TFEB: variants seen among roughly 807,000 people sequenced by gnomAD.
TFEB encodes T-cell transcription factor EB.
TFEB carries 12 observed loss-of-function variants against 48.0 expected under a neutral mutation model. The observed-to-expected ratio is 0.25, with a 90% CI of 0.16 to 0.40. TFEB has a LOEUF of 0.40. Ranked by LOEUF, TFEB falls within the 10% of genes least tolerant of loss-of-function variation. The pLI, the probability that TFEB is intolerant of heterozygous loss-of-function variation, is 1.00. For missense variants in TFEB, 509 were observed against 640.3 expected, an observed-to-expected ratio of 0.79 and a Z score of 2.21; for synonymous variants, 244 against 261.4, an observed-to-expected ratio of 0.93 and a Z score of 0.64.
chr6:41,709,840 G>A (rs749387034), intron 1 of TFEB, among the ~76,000 whole-genome samples: 5 of 152,104 alleles, frequency 3.3e-5, no homozygotes, highest in Non-Finnish European at 7.4e-5. Flanking sequence ...AGGCTGGAGT[G>A]CAGTGGCGCA....
chr6:41,714,141 G>A (rs965904068), intron 1 of TFEB, among the ~76,000 whole-genome samples: 6 of 53,076 alleles, frequency 1.1e-4, no homozygotes, highest in East Asian at 1.6e-3. Context: ...GCATGTGTGC[G>A]TGTGTGTGCA....
intron 1 of TFEB, among the ~76,000 whole-genome samples, chr6:41,695,848 G>T (rs1050018073): frequency 1.3e-5 from 2 of 152,206 alleles, no homozygotes; most frequent in African/African-American, 2.4e-5. Flanking sequence ...GGGGGTTTAT[G>T]GGGGGGCCCA....
At chr6:41,699,988 C>T (rs1769808825) in intron 1 of TFEB, among the ~76,000 whole-genome samples, 1 of 152,146 alleles carries the variant, frequency 6.6e-6, no homozygotes, top group South Asian at 2.1e-4. Flanking sequence ...TCACCATCAC[C>T]CTGGCAGGTT....
intron 4 of TFEB, among the ~76,000 whole-genome samples, chr6:41,689,288 G>T (rs1432713210): frequency 6.6e-6 from 1 of 152,178 alleles, no homozygotes; most frequent in East Asian, 1.9e-4. Flanking sequence ...CTTGCCCCAT[G>T]GAGTAAGAGA....
rs1483765449 is a variant in TFEB, at chr6:41,685,046, G to C, written c.984C>G (p.Leu328=). The part of the protein sequence containing the change: ...ELEMQARVHG[L]PTTSPSGMNM... ...TCATGCCGGACGGGGAGGTGGTAGGGAGGCCGTGCACTCGAGCCTGCATCT... is the reference window on the plus strand; with the variant it reads ...TCATGCCGGACGGGGAGGTGGTAGGCAGGCCGTGCACTCGAGCCTGCATCT... Residue 328 remains leucine (L), a synonymous_variant, in exon 9 of 9, where the codon CTC becomes CTG. Transcript: ENST00000373033. 1 of 1,478,426 alleles carries C rather than the reference G, an allele frequency of 6.8e-7. No homozygotes were observed. The highest frequency in any genetic ancestry group is 1.4e-5 in the African/African-American group (1 of 70,610). 91.6% of individuals were successfully genotyped at this position (1,478,426 alleles called of 1,614,324 possible).
At chr6:41,713,913 G>C (rs1160330411) in intron 1 of TFEB, among the ~76,000 whole-genome samples, 2 of 152,182 alleles carry the variant, frequency 1.3e-5, no homozygotes, top group African/African-American at 2.4e-5. Context: ...GGACACAGTT[G>C]GATGGCCACC....
In TFEB at chr6:41,697,408, C is replaced by CA. The variant is rs56059829; in HGVS notation, c.-22-6174dup. Among the ~76,000 whole-genome samples the CA allele has an allele frequency of 3.0e-3, 193 of 63,478 alleles. 8 individuals are homozygous for CA. The highest frequency in any genetic ancestry group is 0.019 in the South Asian group (29 of 1,524). 41.6% of individuals were successfully genotyped at this position (63,478 alleles called of 152,430 possible). A position where few individuals can be genotyped will look rare whatever the true frequency, so the allele number is the denominator to read the frequency against. On this transcript the variant is annotated intron_variant, in intron 1 of 8. Coordinates refer to ENST00000373033, the MANE Select transcript of TFEB (RefSeq NM_001271944.2). ...GGGCAACAAGAGTGAAACTCCATCT[C>CA]AAAAAAAAAAAAAAAAAAAGAATGA...
At chr6:41,695,132 G>T (rs962243248) in intron 1 of TFEB, among the ~76,000 whole-genome samples, 5 of 152,220 alleles carry the variant, frequency 3.3e-5, no homozygotes, top group Admixed American at 2.6e-4. Context: ...TCACCTCTCT[G>T]TGCTAGGCTG....
intron 1 of TFEB, among the ~76,000 whole-genome samples, chr6:41,704,303 C>G (rs34357137): frequency 0.22 from 34,237 of 152,192 alleles, 4,197 homozygotes; most frequent in Non-Finnish European, 0.27. Context: ...GAATTCAAAT[C>G]TGGCTTTGCC....
Position 41,684,578 on chromosome 6 carries a change from C to G in TFEB, c.*21G>C, listed in dbSNP as rs1489159234. On this transcript the variant is annotated 3_prime_UTR_variant, in exon 9 of 9. Transcript: ENST00000373033. ...CAGCCCCCAGGCCGGCCCCTGTTCC[C>G]TGGCACAGGGGCAGCCAGGGTCACA... 1 of 1,529,138 alleles carries G rather than the reference C, an allele frequency of 6.5e-7. No individual in the cohort carries two copies. The highest frequency in any genetic ancestry group is 1.4e-5 in the African/African-American group (1 of 72,172). 94.7% of individuals were successfully genotyped at this position (1,529,138 alleles called of 1,614,324 possible).
chr6:41,721,372 T>TACACAC (rs58269771), intron 1 of TFEB, among the ~76,000 whole-genome samples: 2,180 of 144,772 alleles, frequency 0.015, 37 homozygotes, highest in African/African-American at 0.044. Flanking sequence ...TAGGCACACA[T>TACACAC]ACACACACAC....
intron 8 of TFEB, 127 bp downstream of exon 8, chr6:41,685,963 T>TA (rs1431409161): frequency 2.4e-6 from 3 of 1,243,822 alleles, no homozygotes; most frequent in African/African-American, 3.0e-5. Flanking sequence ...TCCTAACTGA[T>TA]ACATCCTCCT....
At chr6:41,687,291 C>T (rs1414686188) in intron 6 of TFEB, 122 bp from the exon 7 acceptor site, 1 of 862,052 alleles carries the variant, frequency 1.2e-6, no homozygotes, top group African/African-American at 1.7e-5. Context: ...TTTAGTTCTT[C>T]CAGGAAGTAA....
At chr6:41,700,665 G>T (rs949670652) in intron 1 of TFEB, among the ~76,000 whole-genome samples, 3 of 152,140 alleles carry the variant, frequency 2.0e-5, no homozygotes, top group Non-Finnish European at 4.4e-5. Context: ...GCAGTCAGGG[G>T]CTTGTTTTTA....
At chr6:41,726,311 TA>T (rs1771205530) in intron 1 of TFEB, among the ~76,000 whole-genome samples, 1 of 152,116 alleles carries the variant, frequency 6.6e-6, no homozygotes, top group Non-Finnish European at 1.5e-5. Flanking sequence ...GGTTACATAA[TA>T]AAAGAGGCAA....
chr6:41,686,137 A>T lies in TFEB; in HGVS notation c.904T>A (p.Ser302Thr). 1 of 1,614,232 alleles carries T rather than the reference A, an allele frequency of 6.2e-7. No individual in the cohort carries two copies. The highest frequency in any genetic ancestry group is 8.5e-7 in the Non-Finnish European group (1 of 1,180,046). ...LQKSRELENH[S>T]RRLEMTNKQL... The stretch of plus-strand genomic sequence containing the variant: ...TTGTTGGTCATCTCCAGGCGGCGAG[A>T]GTGGTTCTCCAGCTCCCTGGACTTT... The change falls in exon 8 of 9, where the codon TCT (serine) becomes ACT (threonine). Residue 302 changes from serine to threonine, a missense_variant. By Grantham distance (58) the Ser-to-Thr change is moderately conservative (BLOSUM62 1). Around this residue, in one of 4 missense-constraint regions of TFEB, gnomAD observed 62 missense variants for 90.2 expected, o/e 0.69. Coordinates refer to ENST00000373033, the MANE Select transcript of TFEB (RefSeq NM_001271944.2).
intron 1 of TFEB, among the ~76,000 whole-genome samples, chr6:41,695,356 T>A (rs1189696791): frequency 6.6e-6 from 1 of 152,208 alleles, no homozygotes; most frequent in Non-Finnish European, 1.5e-5. Context: ...CATGAAATGG[T>A]ATATGTGTAG....
intron 1 of TFEB, chr6:41,735,078 T>A (rs1393178409): frequency 1.0e-6 from 1 of 983,886 alleles, no homozygotes; most frequent in Non-Finnish European, 1.2e-6. Context: ...CCCGGTTACA[T>A]AAGGTCGCGG....
At chr6:41,735,137 C>G in intron 1 of TFEB, 1 of 963,222 alleles carries the variant, frequency 1.0e-6, no homozygotes, top group South Asian at 4.8e-5. Flanking sequence ...AGGGGGCTCC[C>G]GGCTCGGCGG....
Sources: allele counts gnomAD v4.1 joint callset (sites outside exome capture counted in the v4.1 genomes callset), GRCh38; gene constraint gnomAD v4.1.1; regional missense constraint gnomAD v4.1.1; transcripts MANE v1.5; gene names NCBI Gene and HGNC (gene_info 2026-07-23, HGNC 2026-07-21).